The following LRP8 variants were observed in gnomAD, a reference collection of about 807,000 sequenced individuals.
LRP8 encodes LDL receptor related protein 8.
LRP8 carries 46 observed loss-of-function variants against 111.6 expected under a neutral mutation model. That is an observed-to-expected ratio of 0.41 (90% CI 0.33 to 0.53). The LOEUF is 0.53. Among genes scored for constraint, LRP8 ranks in the 20% least tolerant of loss-of-function variants. The pLI, the probability that LRP8 is intolerant of heterozygous loss-of-function variation, is 0.20. For synonymous variants in LRP8, 464 were observed against 511.2 expected, an observed-to-expected ratio of 0.91 and a Z score of 1.24; for missense variants, 959 against 1,297.4, an observed-to-expected ratio of 0.74 and a Z score of 4.01.
intron 2 of LRP8, among the ~76,000 whole-genome samples, chr1:53,307,127 G>A (rs1200386408): frequency 6.6e-6 from 1 of 152,196 alleles, no homozygotes; most frequent in African/African-American, 2.4e-5. Flanking sequence ...GAGCCACCAT[G>A]AAAATCTAAC....
chr1:53,289,532 G>A, intron 3 of LRP8, 35 bp downstream of exon 3: 1 of 1,568,728 alleles, frequency 6.4e-7, no homozygotes, highest in Non-Finnish European at 8.7e-7. Flanking sequence ...GGAAACTGAG[G>A]CCCACCCCCA....
chr1:53,327,731 C>A, intron 1 of LRP8, 58 bp downstream of exon 1: 8 of 1,398,512 alleles, frequency 5.7e-6, no homozygotes, highest in Non-Finnish European at 7.5e-6. Flanking sequence ...GCCTCCCGGC[C>A]GCGCTTTGTT....
intron 13 of LRP8, among the ~76,000 whole-genome samples, chr1:53,259,168 G>A (rs1368153487): frequency 6.6e-6 from 1 of 152,192 alleles, no homozygotes; most frequent in Non-Finnish European, 1.5e-5. Flanking sequence ...ACTAAGTGCA[G>A]CAGTGCAATC....
chr1:53,263,400 A>T (rs2100381760), intron 10 of LRP8, among the ~76,000 whole-genome samples: 1 of 152,350 alleles, frequency 6.6e-6, no homozygotes, highest in South Asian at 2.1e-4. Context: ...ATCCCTGTTT[A>T]ACAAGGAAAT....
chr1:53,262,472 A>C lies in LRP8; in HGVS notation c.1748T>G (p.Ile583Ser). Residue 583 changes from isoleucine to serine, a missense_variant, in exon 11 of 19, where the codon ATT becomes AGT. Around this residue, in one of 3 missense-constraint regions of LRP8, gnomAD observed 819 missense variants for 1,097.6 expected, o/e 0.75. Transcript: ENST00000306052. This position sits in a 1 kb window ranked among gnomAD's most constrained non-coding sequence, Gnocchi z 4.8. ...VDRQTLVSDN[I>S]EWPNGITLDL... is the part of the protein sequence containing the mutation. ...CAGGGTGATTCCGTTGGGCCATTCA[A>C]TATTGTCTGACACCAGTGTTTGCCG... 6.2e-7 allele frequency: 1 copy of C among 1,614,198 alleles called. No homozygotes were observed. Among genetic ancestry groups the C allele is most frequent in the Non-Finnish European group, 8.5e-7 (1 of 1,180,034 alleles).
Position 53,275,663 on chromosome 1 carries a change from G to C in LRP8, c.974C>G (p.Pro325Arg). ...GCAGCCAGCTTCATCACTCCCATCT[G>C]GACAGTCCTGCTCCTGGTTGCAGTG... ...IKHCNQEQDC[P>R]DGSDEAGCLQ... Residue 325 changes from proline (P) to arginine (R), a missense_variant, in exon 6 of 19, where the codon CCA becomes CGA. Physicochemically the swap from Pro to Arg is moderately radical, Grantham distance 103. Coordinates refer to ENST00000306052, the MANE Select transcript of LRP8 (RefSeq NM_004631.5). This position sits in a 1 kb window ranked among gnomAD's most constrained non-coding sequence, Gnocchi z 4.4. 1 of 1,614,074 alleles carries C rather than the reference G, an allele frequency of 6.2e-7. No homozygotes were observed. The highest frequency in any genetic ancestry group is 8.5e-7 in the Non-Finnish European group (1 of 1,179,986).
intron 9 of LRP8, among the ~76,000 whole-genome samples, chr1:53,264,671 TAGAGGCTATGGCAGC>T (rs1646484459): frequency 6.6e-6 from 1 of 152,074 alleles, no homozygotes; most frequent in Non-Finnish European, 1.5e-5. Flanking sequence ...TGGAAAGCAT[TAGAGGCTATGGCAGC>T]AGAGGCATGG....
intron 6 of LRP8, among the ~76,000 whole-genome samples, chr1:53,274,387 G>A (rs185563863): frequency 3.3e-5 from 5 of 152,358 alleles, no homozygotes; most frequent in East Asian, 1.9e-4. Flanking sequence ...GAGGAACACC[G>A]AGGAAGAGAG....
chr1:53,303,128 C>T lies in LRP8; in HGVS notation c.245-13439G>A, dbSNP rs1471996711. ...AAAAGCAGGTAGAGCTCTTGTCAAT[C>T]ATGCGGCTTATTTCTTACCACCACC... On this transcript the variant is annotated intron_variant, in intron 2 of 18. Transcript: ENST00000306052. The surrounding 1 kb of genome is among the most constrained non-coding windows in gnomAD (Gnocchi z 4.3). Among the ~76,000 whole-genome samples the T allele has an allele frequency of 2.6e-5, 4 of 152,204 alleles. No individual in the cohort carries two copies. The East Asian group carries it at 5.8e-4, about 22-fold the overall frequency.
chr1:53,273,901 C>T (rs1572506034), intron 6 of LRP8, among the ~76,000 whole-genome samples: 1 of 152,164 alleles, frequency 6.6e-6, no homozygotes, highest in African/African-American at 2.4e-5. Flanking sequence ...GAGGGACTGA[C>T]CTAGCCTCTG....
chr1:53,310,177 A>T (rs1355977646), intron 2 of LRP8, among the ~76,000 whole-genome samples: 3 of 150,052 alleles, frequency 2.0e-5, no homozygotes, highest in Non-Finnish European at 4.4e-5. Flanking sequence ...CCATTTGGAG[A>T]CAGCATGGGG....
At chr1:53,324,425 C>A (rs1297857537) in intron 2 of LRP8, among the ~76,000 whole-genome samples, 1 of 152,196 alleles carries the variant, frequency 6.6e-6, no homozygotes, top group Non-Finnish European at 1.5e-5. Context: ...TGGGAACACT[C>A]ATCCATCCGT....
At chr1:53,313,311 G>A (rs1277718915) in intron 2 of LRP8, among the ~76,000 whole-genome samples, 1 of 152,030 alleles carries the variant, frequency 6.6e-6, no homozygotes, top group Non-Finnish European at 1.5e-5. Flanking sequence ...CACAGCAGGC[G>A]CTTCCCAGGG....
intron 16 of LRP8, among the ~76,000 whole-genome samples, chr1:53,254,308 C>T (rs1473423969): frequency 2.6e-5 from 4 of 151,948 alleles, no homozygotes; most frequent in African/African-American, 9.7e-5. Flanking sequence ...CTAAACCCAC[C>T]CCACCCTGAC....
chr1:53,318,631 AACAC>A (rs1002213304), intron 2 of LRP8, among the ~76,000 whole-genome samples: 3 of 152,220 alleles, frequency 2.0e-5, no homozygotes, highest in African/African-American at 4.8e-5. Flanking sequence ...GAAGCAACCA[AACAC>A]ACATCTATCA....
Position 53,293,788 on chromosome 1 carries a change from A to T in LRP8, c.245-4099T>A, listed in dbSNP as rs534328498. ...AAAGCACGCTGGAGGGCCCCATTGG[A>T]AGTGTGACCATATGGAAGGATCTGG... is the stretch of plus-strand genomic sequence containing the variant. On this transcript the variant is annotated intron_variant, in intron 2 of 18. Coordinates refer to ENST00000306052, the MANE Select transcript of LRP8 (RefSeq NM_004631.5). The surrounding 1 kb of genome is among the most constrained non-coding windows in gnomAD (Gnocchi z 4.9). Among the ~76,000 whole-genome samples, 1 of 152,166 alleles carries T rather than the reference A, an allele frequency of 6.6e-6. No individual in the cohort carries two copies. The highest frequency in any genetic ancestry group is 2.4e-5 in the African/African-American group (1 of 41,424).
At position 53,293,277 on chromosome 1, in the gene LRP8, G is replaced by A. The variant is rs142664159; in HGVS notation, c.245-3588C>T. ...CACTGCTGTCCCAAAGGGCAGCTTT[G>A]AGGTCAGCCCCGCCCAGGAAATGGC... On this transcript the variant is annotated intron_variant, in intron 2 of 18. Coordinates refer to ENST00000306052, the MANE Select transcript of LRP8 (RefSeq NM_004631.5). The surrounding 1 kb of genome is among the most constrained non-coding windows in gnomAD (Gnocchi z 4.9). Among the ~76,000 whole-genome samples the A allele has an allele frequency of 8.1e-4, 123 of 152,286 alleles. No homozygotes were observed. The highest frequency in any genetic ancestry group is 2.7e-3 in the African/African-American group (111 of 41,554).
At chr1:53,297,913 G>A (rs1650051962) in intron 2 of LRP8, among the ~76,000 whole-genome samples, 1 of 152,202 alleles carries the variant, frequency 6.6e-6, no homozygotes, top group Non-Finnish European at 1.5e-5. Flanking sequence ...CAGGAGGCCC[G>A]AGGAAAGACA....
chr1:53,274,447 G>A (rs1207051925), intron 6 of LRP8, among the ~76,000 whole-genome samples: 1 of 152,252 alleles, frequency 6.6e-6, no homozygotes, highest in Non-Finnish European at 1.5e-5. Flanking sequence ...ATGAGGAAAG[G>A]CCAAGTTTGT....
Sources: gnomAD v4.1 joint callset for allele counts (sites outside exome capture counted in the v4.1 genomes callset) on GRCh38, gnomAD v4.1.1 for gene constraint, gnomAD v4.1.1 regional missense constraint, Gnocchi (gnomAD v3.1) non-coding constraint, MANE v1.5 for transcripts, NCBI Gene and HGNC (gene_info 2026-07-23, HGNC 2026-07-21) for gene names.